The following FEZ1 variants were observed in gnomAD, a reference collection of about 807,000 sequenced individuals.
FEZ1 encodes the protein fasciculation and elongation protein zeta-1.
In FEZ1, 20 loss-of-function variants were observed where a neutral mutation model predicts 49.3. The observed-to-expected ratio is 0.41, with a 90% confidence interval of 0.29 to 0.59. FEZ1 has a LOEUF of 0.59. FEZ1 is among the 20% of genes least tolerant of loss of function. The pLI is 0.36. For missense variants in FEZ1, 413 were observed against 476.0 expected (o/e 0.87, Z 1.23); for synonymous variants, 170 against 180.9 (o/e 0.94, Z 0.48).
chr11:125,487,445 T>A (rs774314729), intron 2 of FEZ1, among the ~76,000 whole-genome samples: 1 of 152,190 alleles, frequency 6.6e-6, no homozygotes, highest in Non-Finnish European at 1.5e-5. Flanking sequence ...GAATTCATAG[T>A]CTTTGTATTT....
intron 7 of FEZ1, chr11:125,453,914 A>G: frequency 2.3e-6 from 1 of 433,118 alleles, no homozygotes; most frequent in Non-Finnish European, 4.0e-6. Context: ...CCCATGTCCT[A>G]GAACACTAGA....
At chr11:125,448,631 AC>A (rs1956919541) in intron 8 of FEZ1, 64 bp from the exon 9 acceptor site, 1 of 979,988 alleles carries the variant, frequency 1.0e-6, no homozygotes, top group Non-Finnish European at 1.7e-6. Context: ...TTCTAGGGCC[AC>A]ATGACCCACC....
chr11:125,474,538 T>G (rs1957212144), intron 3 of FEZ1, among the ~76,000 whole-genome samples: 1 of 152,168 alleles, frequency 6.6e-6, no homozygotes, highest in South Asian at 2.1e-4. Context: ...ACCTATAGAC[T>G]AGGAGAAAAT....
intron 1 of FEZ1, among the ~76,000 whole-genome samples, chr11:125,494,861 A>T (rs564984481): frequency 6.6e-6 from 1 of 152,184 alleles, no homozygotes; most frequent in African/African-American, 2.4e-5. Context: ...TGGAGATTTC[A>T]CCACGCTAAC....
chr11:125,471,555 A>G (rs948735060), intron 3 of FEZ1, among the ~76,000 whole-genome samples: 4 of 152,122 alleles, frequency 2.6e-5, no homozygotes, highest in African/African-American at 7.2e-5. Flanking sequence ...AAAGAATGAC[A>G]TTTCATAATG....
chr11:125,490,163 T>C (rs1056329279), intron 1 of FEZ1, among the ~76,000 whole-genome samples: 1 of 152,222 alleles, frequency 6.6e-6, no homozygotes, highest in African/African-American at 2.4e-5. Flanking sequence ...TTGAATACTT[T>C]CTGTTGGTGT....
intron 3 of FEZ1, among the ~76,000 whole-genome samples, chr11:125,469,352 C>T (rs1001219276): frequency 4.6e-5 from 7 of 152,266 alleles, no homozygotes; most frequent in Admixed American, 2.0e-4. Context: ...TCTGCCTCCC[C>T]GGCTCAAGCA....
chr11:125,451,033 C>T lies in FEZ1; in HGVS notation c.1096+1301G>A, dbSNP rs549380460. On this transcript the variant is annotated intron_variant, in intron 8 of 9. Transcript: ENST00000278919. Reference sequence around the variant, plus strand: ...TTAATTAAAATGAAAAGATTTCACACTGAATTCCTGAATGGGTATCTGCAA... The same window carrying T: ...TTAATTAAAATGAAAAGATTTCACATTGAATTCCTGAATGGGTATCTGCAA... Among the ~76,000 whole-genome samples the T allele has an allele frequency of 1.3e-3, 195 of 152,250 alleles. 1 individual carries two copies. Among genetic ancestry groups the T allele is most frequent in the African/African-American group, 4.6e-3 (191 of 41,560 alleles).
intron 5 of FEZ1, among the ~76,000 whole-genome samples, chr11:125,457,696 C>T (rs1665331457): frequency 6.6e-6 from 1 of 151,688 alleles, no homozygotes; most frequent in Admixed American, 6.6e-5. Flanking sequence ...TGTTTGGATG[C>T]AGACATGCAA....
chr11:125,454,882 T>C (rs969535861), intron 6 of FEZ1, among the ~76,000 whole-genome samples: 1 of 149,292 alleles, frequency 6.7e-6, no homozygotes, highest in Non-Finnish European at 1.5e-5. Flanking sequence ...GGCGTGGTGG[T>C]GTGAACCTGT....
Position 125,448,956 on chromosome 11 carries a change from G to A in FEZ1, c.1097-389C>T, listed in dbSNP as rs181448253. 5.3e-5 allele frequency among the ~76,000 whole-genome samples: 8 copies of A among 152,182 alleles called. 1 individual carries two copies. The East Asian group carries it at 5.8e-4, about 11-fold the overall frequency. ...GAGAGGCATCACGCAATATGCCCCC[G>A]TAACAAACCTGCACATGGTGATAGA... is the stretch of plus-strand genomic sequence containing the variant. On this transcript the variant is annotated intron_variant, in intron 8 of 9. Coordinates refer to ENST00000278919, the MANE Select transcript of FEZ1 (RefSeq NM_005103.5).
intron 1 of FEZ1, among the ~76,000 whole-genome samples, chr11:125,493,372 A>G (rs867554570): frequency 1.3e-3 from 46 of 36,500 alleles, no homozygotes; most frequent in South Asian, 6.0e-3. Flanking sequence ...AAAAGAAAGA[A>G]AGAAAGAAAG....
At chr11:125,492,955 G>A (rs1199463256) in intron 1 of FEZ1, among the ~76,000 whole-genome samples, 19 of 144,520 alleles carry the variant, frequency 1.3e-4, no homozygotes, top group African/African-American at 4.9e-4. Flanking sequence ...GTGACAAAGT[G>A]AGACCCTATC....
chr11:125,463,363 C>T (rs2135753789), intron 4 of FEZ1, 121 bp downstream of exon 4: 2 of 662,438 alleles, frequency 3.0e-6, no homozygotes, highest in East Asian at 5.1e-5. Flanking sequence ...GTCATGAGCA[C>T]AGGCACCACA....
chr11:125,460,130 G>A (rs2135749589), intron 5 of FEZ1: 1 of 162,864 alleles, frequency 6.1e-6, no homozygotes, highest in Non-Finnish European at 1.3e-5. Context: ...CTTAGAATAA[G>A]GTCTGGCACA....
chr11:125,495,722 G>C lies in FEZ1; in HGVS notation c.-46+399C>G, dbSNP rs532755191. The stretch of plus-strand genomic sequence containing the variant: ...CACTGCCCCAGCGCGATCGGGCGGC[G>C]TTCCCTTCTTCCCCCAGCCCCCATA... On this transcript the variant is annotated intron_variant, in intron 1 of 9. Coordinates refer to ENST00000278919, the MANE Select transcript of FEZ1 (RefSeq NM_005103.5). The surrounding 1 kb of genome is among the most constrained non-coding windows in gnomAD (Gnocchi z 4.2). 2.1e-5 allele frequency: 7 copies of C among 340,402 alleles called. No homozygotes were observed. In the East Asian group the frequency reaches 5.5e-4, roughly 27 times the overall value. 21.1% of individuals were successfully genotyped at this position (340,402 alleles called of 1,614,324 possible).
At chr11:125,471,165 A>C (rs1054384904) in intron 3 of FEZ1, among the ~76,000 whole-genome samples, 1 of 152,164 alleles carries the variant, frequency 6.6e-6, no homozygotes, top group Non-Finnish European at 1.5e-5. Flanking sequence ...AAAAGAAGAC[A>C]AAAAGTGTGG....
At chr11:125,448,713 G>T in intron 8 of FEZ1, 146 bp from the exon 9 acceptor site, 1 of 615,314 alleles carries the variant, frequency 1.6e-6, no homozygotes. Context: ...AGTCTAGAAG[G>T]CTCTATCAGG....
At chr11:125,487,768 T>C (rs1957338855) in intron 2 of FEZ1, among the ~76,000 whole-genome samples, 1 of 152,230 alleles carries the variant, frequency 6.6e-6, no homozygotes, top group African/African-American at 2.4e-5. Context: ...TATTTGATAT[T>C]CAATATTTCA....
Sources: gnomAD v4.1 joint callset for allele counts (sites outside exome capture counted in the v4.1 genomes callset) on GRCh38, gnomAD v4.1.1 for gene constraint, Gnocchi (gnomAD v3.1) non-coding constraint, MANE v1.5 for transcripts, NCBI Gene and HGNC (gene_info 2026-07-23, HGNC 2026-07-21) for gene names.